The following ROBO3 variants were observed in gnomAD, a reference collection of about 807,000 sequenced individuals.
ROBO3 encodes the protein roundabout homolog 3.
ROBO3 carries 97 observed loss-of-function variants against 160.5 expected under a neutral mutation model. That is an observed-to-expected ratio of 0.60 (90% CI 0.51 to 0.72). The LOEUF is 0.72. Ranked by LOEUF, ROBO3 falls within the 30% of genes least tolerant of loss-of-function variation. The pLI, the probability that ROBO3 is intolerant of heterozygous loss-of-function variation, is 0.00. For synonymous variants in ROBO3, 780 were observed against 746.2 expected, an observed-to-expected ratio of 1.05 and a Z score of -0.74; for missense variants, 1,858 against 1,846.5, an observed-to-expected ratio of 1.01 and a Z score of -0.11.
At chr11:124,879,623 T>C (rs1413271167) in intron 25 of ROBO3, 48 bp downstream of exon 25, 3 of 1,536,332 alleles carry the variant, frequency 2.0e-6, no homozygotes, top group Middle Eastern at 1.7e-4. Context: ...GGCGGGGGGA[T>C]AGGCAGGAAA....
At position 124,875,957 on chromosome 11, in the gene ROBO3, T is replaced by C. The variant is rs991359504; in HGVS notation, c.2425T>C (p.Trp809Arg). 3 of 1,596,166 alleles carry C rather than the reference T, an allele frequency of 1.9e-6. No individual in the cohort carries two copies. The highest frequency in any genetic ancestry group is 2.3e-5 in the South Asian group (2 of 87,642). Residue 809 changes from tryptophan to arginine, a missense_variant, in exon 16 of 28, where the codon TGG becomes CGG. Coordinates refer to ENST00000397801, the MANE Select transcript of ROBO3 (RefSeq NM_022370.4). ...QNGVITEYQI[W>R]CLGNESRFHL... ...ATCCGGGACTCGGCCTCCCTAGATC[T>C]GGTGCCTGGGCAATGAGAGCCGCTT... is the stretch of plus-strand genomic sequence containing the variant.
intron 1 of ROBO3, among the ~76,000 whole-genome samples, chr11:124,867,665 G>GC (rs1946217540): frequency 1.3e-5 from 2 of 152,246 alleles, no homozygotes; most frequent in East Asian, 1.9e-4. Flanking sequence ...GCACGGGTCA[G>GC]CCTGTCCAGC....
Position 124,876,587 on chromosome 11 carries a change from C to A in ROBO3, c.2779+127C>A. The A allele has an allele frequency of 2.5e-6, 2 of 791,236 alleles. No individual in the cohort carries two copies. Among genetic ancestry groups the A allele is most frequent in the Non-Finnish European group, 3.6e-6 (2 of 559,800 alleles). The allele number at this position is 791,236 out of a possible 1,614,324, so 49.0% of individuals were successfully genotyped here. A position where few individuals can be genotyped will look rare whatever the true frequency, so the allele number is the denominator to read the frequency against. On this transcript the variant is annotated intron_variant, in intron 17 of 27. Transcript: ENST00000397801. This position sits in a 1 kb window ranked among gnomAD's most constrained non-coding sequence, Gnocchi z 5.3. ...GAAAGGGGTCGCACCTGGAGTTCAG[C>A]CTCTTGGGTAGGGGCGGGATACGTG...
chr11:124,867,276 G>A (rs1388670189), intron 1 of ROBO3, among the ~76,000 whole-genome samples: 3 of 152,222 alleles, frequency 2.0e-5, no homozygotes, highest in African/African-American at 4.8e-5. Flanking sequence ...TAATGGCAGA[G>A]TAGTGACGTT....
chr11:124,879,501 C>A lies in ROBO3; in HGVS notation c.3722C>A (p.Pro1241Gln). The part of the protein sequence containing the change: ...TWQGNGEMTP[P>Q]LQGPRARFRK... ...CAGGGGAATGGGGAGATGACTCCCCCACTTCAAGGACCCCGTGCTCGATTC... is the reference window on the plus strand; with the variant it reads ...CAGGGGAATGGGGAGATGACTCCCCAACTTCAAGGACCCCGTGCTCGATTC... The change falls in exon 25 of 28, where the codon CCA (proline) becomes CAA (glutamine). Residue 1241 changes from proline (P) to glutamine (Q), a missense_variant. By Grantham distance (76) the Pro-to-Gln change is moderately conservative (BLOSUM62 -1). Transcript: ENST00000397801. 6.2e-7 allele frequency: 1 copy of A among 1,613,892 alleles called. No individual in the cohort carries two copies.
intron 14 of ROBO3, 69 bp downstream of exon 14, chr11:124,875,405 G>T: frequency 8.9e-7 from 1 of 1,120,722 alleles, no homozygotes. Flanking sequence ...GTGGAGGGGG[G>T]ATGAAAATTT....
At position 124,875,120 on chromosome 11, in the gene ROBO3, C is replaced by A. The variant is rs1366660505; in HGVS notation, c.2083C>A (p.Pro695Thr). 1 of 1,604,930 alleles carries A rather than the reference C, an allele frequency of 6.2e-7. No individual in the cohort carries two copies. The highest frequency in any genetic ancestry group is 1.7e-5 in the Admixed American group (1 of 58,098). The change falls in exon 14 of 28, where the codon CCA becomes ACA. Residue 695 changes from proline (P) to threonine (T), a missense_variant. Physicochemically the swap from Pro to Thr is conservative, Grantham distance 38. Coordinates refer to ENST00000397801, the MANE Select transcript of ROBO3 (RefSeq NM_022370.4). ...TLQVSWTVDG[P>T]VQLVQGFRVS... ...GTCCTGTCTCCCACAGGTGGATGGCCCAGTCCAGCTGGTGCAAGGTTTCCG... is the reference window on the plus strand; with the variant it reads ...GTCCTGTCTCCCACAGGTGGATGGCACAGTCCAGCTGGTGCAAGGTTTCCG...
intron 27 of ROBO3, 64 bp downstream of exon 27, chr11:124,880,672 A>ACCCT: frequency 6.9e-7 from 1 of 1,455,630 alleles, no homozygotes; most frequent in Admixed American, 2.6e-5. Flanking sequence ...CCAAGGCGTA[A>ACCCT]TGGAAAACAG....
Position 124,879,263 on chromosome 11 carries a change from G to T in ROBO3, c.3607G>T (p.Ala1203Ser). Residue 1203 changes from alanine to serine, a missense_variant, in exon 24 of 28, where the codon GCT (alanine) becomes TCT (serine). Coordinates refer to ENST00000397801, the MANE Select transcript of ROBO3 (RefSeq NM_022370.4). ...GCTGGGCATCCGTGAAGCGAGGCCT[G>T]CTGGCTTGGGTGCTGGCCCTGCAGC... Reference protein sequence around the residue: ...PMLGIREARPAGLGAGPAASP... With the variant: ...PMLGIREARPSGLGAGPAASP... 6.3e-7 allele frequency: 1 copy of T among 1,577,980 alleles called. No individual in the cohort carries two copies. Among genetic ancestry groups the T allele is most frequent in the Non-Finnish European group, 8.6e-7 (1 of 1,162,242 alleles).
chr11:124,877,856 TG>T, intron 20 of ROBO3, 80 bp from the exon 21 acceptor site: 1 of 1,217,874 alleles, frequency 8.2e-7, no homozygotes, highest in Non-Finnish European at 1.2e-6. Flanking sequence ...GTTGATCCCG[TG>T]GGATTTCCCT....
Position 124,873,255 on chromosome 11 carries a change from C to T in ROBO3, c.1537-55C>T. Reference sequence around the variant, plus strand: ...ATCCTTCTGCTACCCGCCTCCACCCCCTCACTGGATCTTGCTCCACTCTCA... The same window carrying T: ...ATCCTTCTGCTACCCGCCTCCACCCTCTCACTGGATCTTGCTCCACTCTCA... On this transcript the variant is annotated intron_variant, in intron 9 of 27. Coordinates refer to ENST00000397801, the MANE Select transcript of ROBO3 (RefSeq NM_022370.4). This position sits in a 1 kb window ranked among gnomAD's most constrained non-coding sequence, Gnocchi z 4.5. 6.6e-6 allele frequency: 10 copies of T among 1,522,614 alleles called. No individual in the cohort carries two copies. Among genetic ancestry groups the T allele is most frequent in the South Asian group, 1.2e-5 (1 of 84,826 alleles). 94.3% of individuals were successfully genotyped at this position (1,522,614 alleles called of 1,614,324 possible).
chr11:124,880,312 C>A, intron 26 of ROBO3, 106 bp from the exon 27 acceptor site: 1 of 1,510,762 alleles, frequency 6.6e-7, no homozygotes, highest in East Asian at 2.4e-5. Context: ...TGTGCCTGCC[C>A]TTCATCTTCT....
rs1232582382 is a variant in ROBO3, at chr11:124,869,153, G to A, written c.487+25G>A. On this transcript the variant is annotated intron_variant, in intron 2 of 27. Coordinates refer to ENST00000397801, the MANE Select transcript of ROBO3 (RefSeq NM_022370.4). This position sits in a 1 kb window ranked among gnomAD's most constrained non-coding sequence, Gnocchi z 4.2. Reference sequence around the variant, plus strand: ...GGTGAGAGTCAGTTGACCGTCAGCTGGTTGCTTCCAGAGCCTGGGGTAGGC... The same window carrying A: ...GGTGAGAGTCAGTTGACCGTCAGCTAGTTGCTTCCAGAGCCTGGGGTAGGC... 6.6e-7 allele frequency: 1 copy of A among 1,517,054 alleles called. No individual in the cohort carries two copies. The highest frequency in any genetic ancestry group is 2.4e-5 in the East Asian group (1 of 41,760). The allele number at this position is 1,517,054 out of a possible 1,614,324, so 94.0% of individuals were successfully genotyped here.
At chr11:124,870,767 T>G (rs767881194) in intron 6 of ROBO3, 39 bp downstream of exon 6, 1 of 1,599,950 alleles carries the variant, frequency 6.3e-7, no homozygotes, top group African/African-American at 1.3e-5. Flanking sequence ...GCAGGAATGG[T>G]AGGAGGGGAG....
intron 20 of ROBO3, 28 bp downstream of exon 20, chr11:124,877,686 C>T: frequency 1.2e-6 from 2 of 1,606,342 alleles, no homozygotes; most frequent in Middle Eastern, 1.7e-4. Context: ...CCTCACCTGG[C>T]TTCAGCGCAC....
At chr11:124,866,708 C>A (rs1342800853) in intron 1 of ROBO3, among the ~76,000 whole-genome samples, 1 of 152,140 alleles carries the variant, frequency 6.6e-6, no homozygotes, top group East Asian at 1.9e-4. Flanking sequence ...CATTAGGCTG[C>A]AGTCGAAGCA....
chr11:124,877,839 G>T, intron 20 of ROBO3, 98 bp from the exon 21 acceptor site: 1 of 1,170,262 alleles, frequency 8.5e-7, no homozygotes, highest in Non-Finnish European at 1.2e-6. Context: ...CTTGTGTGGG[G>T]GAAGAAGTTG....
chr11:124,881,210 CA>C (rs1946574373), intron 27 of ROBO3, 28 bp from the exon 28 acceptor site: 6 of 1,600,530 alleles, frequency 3.7e-6, no homozygotes, highest in Middle Eastern at 3.3e-4. Flanking sequence ...CAGGGTTTTA[CA>C]AAACAGCATC....
Position 124,872,737 on chromosome 11 carries a change from C to A in ROBO3, c.1331-147C>A. On this transcript the variant is annotated intron_variant, in intron 8 of 27. Coordinates refer to ENST00000397801, the MANE Select transcript of ROBO3 (RefSeq NM_022370.4). This position sits in a 1 kb window ranked among gnomAD's most constrained non-coding sequence, Gnocchi z 4.3. Reference sequence around the variant, plus strand: ...AATAATGGCTGGTCCTGGGCAGAGACTTCAGATGATTATCAAAGCCCCCTC... The same window carrying A: ...AATAATGGCTGGTCCTGGGCAGAGAATTCAGATGATTATCAAAGCCCCCTC... 2 of 924,444 alleles carry A rather than the reference C, an allele frequency of 2.2e-6. No homozygotes were observed. Among genetic ancestry groups the A allele is most frequent in the South Asian group, 3.6e-5 (2 of 55,744 alleles). The allele number at this position is 924,444 out of a possible 1,614,324, so 57.3% of individuals were successfully genotyped here. A position where few individuals can be genotyped will look rare whatever the true frequency, so the allele number is the denominator to read the frequency against.
Sources: gnomAD v4.1 joint callset for allele counts (sites outside exome capture counted in the v4.1 genomes callset) on GRCh38, gnomAD v4.1.1 for gene constraint, Gnocchi (gnomAD v3.1) non-coding constraint, MANE v1.5 for transcripts, NCBI Gene and HGNC (gene_info 2026-07-23, HGNC 2026-07-21) for gene names.